Variants in MAPDA observed in about 807,000 individuals in gnomAD.
MAPDA encodes the protein N6-Methyl-AMP deaminase.
At chr15:43,346,362 T>G in the MAPDA span, among the ~76,000 whole-genome samples, 1 of 152,186 alleles carries the variant, frequency 6.6e-6, no homozygotes, top group South Asian at 2.1e-4. Flanking sequence ...GACTTGAGCT[T>G]CTTGAATGTC....
the MAPDA span, chr15:43,351,237 A>T: frequency 3.7e-6 from 2 of 541,982 alleles, no homozygotes; most frequent in South Asian, 2.3e-5. Context: ...AAGGCAGGAG[A>T]ATCACTTGAA....
chr15:43,334,255 G>A, the MAPDA span, among the ~76,000 whole-genome samples: 6 of 152,150 alleles, frequency 3.9e-5, no homozygotes, highest in African/African-American at 1.2e-4. Flanking sequence ...TGTAGAGCTG[G>A]TAAAAGGACA....
the MAPDA span, chr15:43,350,799 G>C: frequency 2.9e-6 from 2 of 683,468 alleles, 1 homozygote; most frequent in South Asian, 3.8e-5. Flanking sequence ...ATTTTCACAC[G>C]TAAGGAAAGG....
chr15:43,348,902 T>G, the MAPDA span: 2 of 1,613,372 alleles, frequency 1.2e-6, no homozygotes. Context: ...CTCCCCTTTC[T>G]TTAGATTCCA....
chr15:43,340,201 G>T, the MAPDA span: 1 of 1,373,966 alleles, frequency 7.3e-7, no homozygotes, highest in Non-Finnish European at 1.0e-6. Context: ...TGTAGCACTT[G>T]GCACATTCAT....
the MAPDA span, chr15:43,336,751 A>C: frequency 7.6e-7 from 1 of 1,309,252 alleles, no homozygotes; most frequent in East Asian, 2.6e-5. Flanking sequence ...CCATTATTGC[A>C]CATGGCCTTT....
chr15:43,350,167 G>A, the MAPDA span, among the ~76,000 whole-genome samples: 16 of 151,982 alleles, frequency 1.1e-4, no homozygotes, highest in South Asian at 8.3e-4. Context: ...CTGGGTTCAC[G>A]ACATTCTCCT....
At chr15:43,340,518 T>G in the MAPDA span, among the ~76,000 whole-genome samples, 1 of 152,196 alleles carries the variant, frequency 6.6e-6, no homozygotes, top group Admixed American at 6.5e-5. Context: ...TGATGTACAT[T>G]AATGATGTTC....
chr15:43,349,071 C>CAG, the MAPDA span: 4 of 1,613,850 alleles, frequency 2.5e-6, no homozygotes, highest in East Asian at 8.9e-5. Flanking sequence ...TCAGGTCTTC[C>CAG]AGATGACTCT....
chr15:43,335,408 C>T, the MAPDA span, among the ~76,000 whole-genome samples: 1 of 152,102 alleles, frequency 6.6e-6, no homozygotes, highest in Non-Finnish European at 1.5e-5. Flanking sequence ...TGGTGGCATG[C>T]CTGTAGTCCC....
At chr15:43,344,493 T>C in the MAPDA span, among the ~76,000 whole-genome samples, 1 of 152,168 alleles carries the variant, frequency 6.6e-6, no homozygotes, top group Non-Finnish European at 1.5e-5. Context: ...TAAAAAATTA[T>C]AGGGGTTCTC....
the MAPDA span, among the ~76,000 whole-genome samples, chr15:43,342,303 C>T: frequency 6.6e-6 from 1 of 151,896 alleles, no homozygotes; most frequent in Non-Finnish European, 1.5e-5. Flanking sequence ...TCTTGCAGAT[C>T]CCCTCAGAGA....
chr15:43,345,667 T>C, the MAPDA span, among the ~76,000 whole-genome samples: 1 of 152,218 alleles, frequency 6.6e-6, no homozygotes, highest in Non-Finnish European at 1.5e-5. Flanking sequence ...TGCTTGATGC[T>C]ATTTAGGAAT....
the MAPDA span, among the ~76,000 whole-genome samples, chr15:43,341,579 C>G: frequency 1.3e-5 from 2 of 151,834 alleles, no homozygotes; most frequent in African/African-American, 4.8e-5. Flanking sequence ...TGGCTCATGC[C>G]TGTAATTCCA....
the MAPDA span, chr15:43,351,743 G>A: frequency 1.1e-3 from 1,645 of 1,523,726 alleles, 2 homozygotes; most frequent in Non-Finnish European, 1.4e-3. Context: ...TCTTGTTTAC[G>A]TTGGCAGACT....
chr15:43,346,875 G>A, the MAPDA span: 1 of 659,906 alleles, frequency 1.5e-6, no homozygotes, highest in East Asian at 2.8e-5. Flanking sequence ...CACATTGTAG[G>A]TGCTTTATAA....
chr15:43,330,400 G>T, the MAPDA span: 1 of 1,538,198 alleles, frequency 6.5e-7, no homozygotes, highest in Non-Finnish European at 8.7e-7. Flanking sequence ...GCACGTACCC[G>T]CGCGCGGCCA....
At chr15:43,343,145 G>A in the MAPDA span, 577 of 1,083,550 alleles carry the variant, frequency 5.3e-4, 5 homozygotes, top group East Asian at 0.014. Flanking sequence ...TTTTGATCAT[G>A]GGTGTAATGG....
chr15:43,352,748 C>T, the MAPDA span: 1 of 152,180 alleles, frequency 6.6e-6, no homozygotes, highest in Non-Finnish European at 1.5e-5. Context: ...ACCATTGACA[C>T]CAGGCCACAT....
Sources: allele counts gnomAD v4.1 joint callset (sites outside exome capture counted in the v4.1 genomes callset), GRCh38; gene constraint gnomAD v4.1.1; transcripts MANE v1.5; gene names NCBI Gene and HGNC (gene_info 2026-07-23, HGNC 2026-07-21).